FRMD5: variants seen among roughly 807,000 people sequenced by gnomAD.
FRMD5 encodes the protein FERM domain containing 5.
In FRMD5, 20 loss-of-function variants were observed where a neutral mutation model predicts 69.0. The ratio of observed to expected loss-of-function variants is 0.29; its 90% CI spans 0.20 to 0.42. The LOEUF (loss-of-function observed/expected upper bound fraction) is 0.42. Among genes scored for constraint, FRMD5 ranks in the 10% least tolerant of loss-of-function variants. The pLI, the probability that FRMD5 is intolerant of heterozygous loss-of-function variation, is 1.00. For synonymous variants in FRMD5, 271 were observed against 260.1 expected (o/e 1.04, Z -0.40); for missense variants, 595 against 708.6 (o/e 0.84, Z 1.82).
intron 1 of FRMD5, among the ~76,000 whole-genome samples, chr15:43,940,234 G>C (rs1042438251): frequency 3.9e-5 from 6 of 152,162 alleles, no homozygotes; most frequent in African/African-American, 1.4e-4. Flanking sequence ...GCATCAGACT[G>C]TGCAAGATGC....
At chr15:44,173,305 T>C (rs545123355) in intron 1 of FRMD5, among the ~76,000 whole-genome samples, 128 of 152,218 alleles carry the variant, frequency 8.4e-4, no homozygotes, top group Non-Finnish European at 1.4e-3. Flanking sequence ...TAAATATATG[T>C]AGAAAATAAA....
chr15:43,963,001 G>T (rs1159339128), intron 1 of FRMD5, among the ~76,000 whole-genome samples: 1 of 152,164 alleles, frequency 6.6e-6, no homozygotes, highest in Non-Finnish European at 1.5e-5. Flanking sequence ...CATGGGCAAG[G>T]ACTTCATGTC....
chr15:44,121,533 G>A (rs1187224179), intron 1 of FRMD5, among the ~76,000 whole-genome samples: 1 of 152,032 alleles, frequency 6.6e-6, no homozygotes, highest in African/African-American at 2.4e-5. Flanking sequence ...TCCCCAATGA[G>A]TAGACAGAGT....
intron 1 of FRMD5, among the ~76,000 whole-genome samples, chr15:43,998,094 T>C (rs1246334257): frequency 6.6e-6 from 1 of 152,214 alleles, no homozygotes; most frequent in Admixed American, 6.5e-5. Flanking sequence ...TGGTTCAATG[T>C]GGAACTAAGG....
At chr15:44,110,351 C>A (rs1339938682) in intron 1 of FRMD5, among the ~76,000 whole-genome samples, 1 of 152,182 alleles carries the variant, frequency 6.6e-6, no homozygotes. Flanking sequence ...CAGCACCATG[C>A]CCAGCTACGT....
intron 1 of FRMD5, among the ~76,000 whole-genome samples, chr15:43,932,964 C>CA (rs1464686688): frequency 6.6e-6 from 1 of 152,226 alleles, no homozygotes; most frequent in African/African-American, 2.4e-5. Context: ...CCCCTTGTCA[C>CA]AGCAAACAGA....
intron 13 of FRMD5, among the ~76,000 whole-genome samples, chr15:43,880,422 C>G (rs1304239390): frequency 6.6e-6 from 1 of 152,186 alleles, no homozygotes; most frequent in Admixed American, 6.5e-5. Context: ...CTGTCAGGAC[C>G]TTTAAAGGCA....
At chr15:43,937,182 T>G (rs2089775206) in intron 1 of FRMD5, among the ~76,000 whole-genome samples, 1 of 152,246 alleles carries the variant, frequency 6.6e-6, no homozygotes, top group Non-Finnish European at 1.5e-5. Flanking sequence ...TTGCCTGTCT[T>G]TCTAAAATAC....
intron 4 of FRMD5, among the ~76,000 whole-genome samples, chr15:43,914,366 C>T (rs1262472632): frequency 2.0e-5 from 3 of 152,136 alleles, no homozygotes; most frequent in Non-Finnish European, 4.4e-5. Flanking sequence ...ATGTTTAGTA[C>T]GTCTTCCTCC....
At chr15:43,964,500 C>CA (rs59698503) in intron 1 of FRMD5, among the ~76,000 whole-genome samples, 444 of 129,578 alleles carry the variant, frequency 3.4e-3, no homozygotes, top group Middle Eastern at 0.012. Flanking sequence ...AACAAACAAA[C>CA]AAAAAAAAAA....
chr15:44,001,763 C>A (rs547839852), intron 1 of FRMD5, among the ~76,000 whole-genome samples: 2 of 151,936 alleles, frequency 1.3e-5, no homozygotes, highest in East Asian at 1.9e-4. Context: ...CATGCCACCA[C>A]GCCCAGCTAA....
intron 3 of FRMD5, 27 bp from the exon 4 acceptor site, chr15:43,919,564 G>A: frequency 6.2e-7 from 1 of 1,609,034 alleles, no homozygotes; most frequent in Non-Finnish European, 8.5e-7. Flanking sequence ...GTGCTCATCA[G>A]GGAAGACTCT....
chr15:44,134,295 A>G (rs1444948949), intron 1 of FRMD5, among the ~76,000 whole-genome samples: 1 of 152,130 alleles, frequency 6.6e-6, no homozygotes, highest in Admixed American at 6.5e-5. Context: ...TTACAAAAGA[A>G]TATCTGGAAG....
At chr15:43,985,678 C>T (rs2140639103) in intron 1 of FRMD5, among the ~76,000 whole-genome samples, 1 of 152,272 alleles carries the variant, frequency 6.6e-6, no homozygotes, top group East Asian at 1.9e-4. Flanking sequence ...AATTGACATT[C>T]TGTGCGGATA....
At chr15:44,099,370 C>T (rs540537071) in intron 1 of FRMD5, among the ~76,000 whole-genome samples, 1 of 152,238 alleles carries the variant, frequency 6.6e-6, no homozygotes, top group South Asian at 2.1e-4. Context: ...GCTGCTTCTG[C>T]TGATCCATGG....
chr15:44,110,765 C>A (rs1034129479), intron 1 of FRMD5, among the ~76,000 whole-genome samples: 1 of 152,190 alleles, frequency 6.6e-6, no homozygotes, highest in Non-Finnish European at 1.5e-5. Context: ...CACTTCCTTG[C>A]CTTATGATCT....
chr15:43,877,759 T>C (rs747784587), intron 13 of FRMD5, among the ~76,000 whole-genome samples: 2 of 152,248 alleles, frequency 1.3e-5, no homozygotes, highest in African/African-American at 4.8e-5. Context: ...TAAAGCACTT[T>C]GATTTTATCT....
chr15:44,073,392 G>T (rs1314340093), intron 1 of FRMD5, among the ~76,000 whole-genome samples: 1 of 152,050 alleles, frequency 6.6e-6, no homozygotes, highest in Non-Finnish European at 1.5e-5. Context: ...TATAATTATT[G>T]TCCATAAGTG....
At chr15:44,150,141 A>G (rs966566901) in intron 1 of FRMD5, among the ~76,000 whole-genome samples, 1 of 152,198 alleles carries the variant, frequency 6.6e-6, no homozygotes, top group African/African-American at 2.4e-5. Context: ...ACAAACTAGG[A>G]ATAGAAGAAA....
Sources: allele counts gnomAD v4.1 joint callset (sites outside exome capture counted in the v4.1 genomes callset), GRCh38; gene constraint gnomAD v4.1.1; transcripts MANE v1.5; gene names NCBI Gene and HGNC (gene_info 2026-07-23, HGNC 2026-07-21).